The following EFR3A variants were observed in gnomAD, a reference collection of about 807,000 sequenced individuals.
EFR3A encodes the protein EFR3 homolog A, also known as protein EFR3 homolog A.
EFR3A carries 76 observed loss-of-function variants against 104.4 expected under a neutral mutation model. The observed-to-expected ratio is 0.73, with a 90% CI of 0.60 to 0.88. The LOEUF (loss-of-function observed/expected upper bound fraction) is 0.88. Ranked by LOEUF, EFR3A falls within the 40% of genes least tolerant of loss-of-function variation. The pLI is 0.00. For missense variants in EFR3A, 985 were observed against 1,012.5 expected (o/e 0.97, Z 0.37); for synonymous variants, 330 against 330.0 (o/e 1.00, Z 0.00).
At position 131,955,989 on chromosome 8, in the gene EFR3A, T is replaced by C. The variant is rs1439985776; in HGVS notation, c.776+84T>C. 5 of 1,478,660 alleles carry C rather than the reference T, an allele frequency of 3.4e-6. No individual in the cohort carries two copies. In the Admixed American group the frequency reaches 9.8e-5, roughly 29 times the overall value. The allele number at this position is 1,478,660 out of a possible 1,614,324, so 91.6% of individuals were successfully genotyped here. The stretch of plus-strand genomic sequence containing the variant: ...CTTATTTATAGAGGACAACTACTTT[T>C]TTACTTGCATGAGTGAGTTATTAAT... On this transcript the variant is annotated intron_variant, in intron 7 of 22. Coordinates refer to ENST00000254624, the MANE Select transcript of EFR3A (RefSeq NM_015137.6).
At chr8:131,979,482 G>T in intron 14 of EFR3A, 61 bp downstream of exon 14, 1 of 1,230,954 alleles carries the variant, frequency 8.1e-7, no homozygotes, top group Non-Finnish European at 1.2e-6. Flanking sequence ...GAATTGTTAG[G>T]TGGTTTTATA....
At position 132,011,983 on chromosome 8, in the gene EFR3A, G is replaced by T. The variant is rs1242504611; in HGVS notation, c.*1088G>T. The T allele has an allele frequency of 6.6e-6, 1 of 152,100 alleles. No individual in the cohort carries two copies. Among genetic ancestry groups the T allele is most frequent in the African/African-American group, 2.4e-5 (1 of 41,430 alleles). 9.4% of individuals were successfully genotyped at this position (152,100 alleles called of 1,614,324 possible). A position where few individuals can be genotyped will look rare whatever the true frequency, so the allele number is the denominator to read the frequency against. ...TCAATTTAAGCTGCTTTTGATTTCA[G>T]CTACCAAGATCACAGGTGCACTCTA... is the stretch of plus-strand genomic sequence containing the variant. On this transcript the variant is annotated 3_prime_UTR_variant, in exon 23 of 23. Transcript: ENST00000254624.
chr8:131,940,266 CG>C (rs1197412704), intron 1 of EFR3A: 10 of 475,474 alleles, frequency 2.1e-5, no homozygotes, highest in Non-Finnish European at 3.4e-5. Context: ...ATGAATTTGG[CG>C]GGATGTGTAT....
intron 1 of EFR3A, among the ~76,000 whole-genome samples, chr8:131,920,516 T>G (rs1816956464): frequency 6.6e-6 from 1 of 152,140 alleles, no homozygotes; most frequent in Admixed American, 6.5e-5. Context: ...CTAGAAGTGG[T>G]AAGTTTTGTA....
rs368261427 is a variant in EFR3A at position 132,010,789 on chromosome 8, G to C, written c.2361-1G>C. ...GACAATGTATTTTTGTTCTTTTATA[G>C]TCCTCCTCCCAGTCCATCAGGAACA... On this transcript the variant is annotated splice_acceptor_variant, in intron 22 of 22. Coordinates refer to ENST00000254624, the MANE Select transcript of EFR3A (RefSeq NM_015137.6). LOFTEE classifies it high-confidence loss of function. 13 of 1,611,468 alleles carry C rather than the reference G, an allele frequency of 8.1e-6. No individual in the cohort carries two copies. In the African/African-American group the frequency reaches 1.5e-4, roughly 18 times the overall value.
At chr8:131,945,288 T>G (rs1432688193) in intron 3 of EFR3A, among the ~76,000 whole-genome samples, 1 of 151,934 alleles carries the variant, frequency 6.6e-6, no homozygotes, top group East Asian at 1.9e-4. Flanking sequence ...GGAGGAGTAA[T>G]AAGAGAGAAC....
At chr8:131,933,945 A>G (rs1042554052) in intron 1 of EFR3A, among the ~76,000 whole-genome samples, 3 of 152,078 alleles carry the variant, frequency 2.0e-5, no homozygotes, top group Non-Finnish European at 4.4e-5. Context: ...CTTTAATTCT[A>G]TTTATTGCTT....
chr8:131,904,408 G>A, intron 1 of EFR3A, 86 bp downstream of exon 1: 1 of 1,191,470 alleles, frequency 8.4e-7, no homozygotes, highest in Non-Finnish European at 1.1e-6. Flanking sequence ...CGGGCGGCTG[G>A]GGAGGCTGGG....
At chr8:131,963,531 A>T (rs544035061) in intron 8 of EFR3A, among the ~76,000 whole-genome samples, 22 of 152,208 alleles carry the variant, frequency 1.4e-4, no homozygotes, top group Non-Finnish European at 3.2e-4. Flanking sequence ...GAATAAATTG[A>T]ATCTCTGAAT....
intron 1 of EFR3A, among the ~76,000 whole-genome samples, chr8:131,925,471 A>G (rs567092650): frequency 6.6e-6 from 1 of 152,104 alleles, no homozygotes; most frequent in Admixed American, 6.6e-5. Flanking sequence ...TTTCCAATCA[A>G]TAATATGTGA....
intron 1 of EFR3A, among the ~76,000 whole-genome samples, chr8:131,909,684 C>T (rs987583152): frequency 6.6e-6 from 1 of 152,140 alleles, no homozygotes; most frequent in African/African-American, 2.4e-5. Context: ...AGTCTTTACA[C>T]TATTGATGTC....
chr8:131,962,938 T>C (rs1384088106), intron 8 of EFR3A, among the ~76,000 whole-genome samples: 2 of 152,306 alleles, frequency 1.3e-5, no homozygotes, highest in Admixed American at 6.5e-5. Flanking sequence ...CTCAACTACA[T>C]GGAAACTGAG....
intron 4 of EFR3A, among the ~76,000 whole-genome samples, chr8:131,948,493 A>G (rs1261885211): frequency 6.6e-6 from 1 of 152,174 alleles, no homozygotes; most frequent in Non-Finnish European, 1.5e-5. Flanking sequence ...TTCAGCAGGA[A>G]TATATTGGGT....
chr8:131,919,867 T>C (rs1313729489), intron 1 of EFR3A, among the ~76,000 whole-genome samples: 1 of 150,392 alleles, frequency 6.6e-6, no homozygotes. Context: ...TTCTGGATTT[T>C]ATATATATGT....
chr8:131,950,048 C>T lies in EFR3A; in HGVS notation c.446C>T (p.Ala149Val), dbSNP rs529120545. ...RYDFFVSRFS[A>V]MCHSCHSDPE... Reference sequence around the variant, plus strand: ...GACTTTTTTGTGTCTCGATTCAGTGCCATGTGCCATTCCTGTCATAGTGAT... The same window carrying T: ...GACTTTTTTGTGTCTCGATTCAGTGTCATGTGCCATTCCTGTCATAGTGAT... The change falls in exon 5 of 23, where the codon GCC becomes GTC. Residue 149 changes from alanine to valine, a missense_variant. Coordinates refer to ENST00000254624, the MANE Select transcript of EFR3A (RefSeq NM_015137.6). 3 of 1,610,120 alleles carry T rather than the reference C, an allele frequency of 1.9e-6. No individual in the cohort carries two copies. In the South Asian group the frequency reaches 3.3e-5, roughly 18 times the overall value.
intron 10 of EFR3A, among the ~76,000 whole-genome samples, chr8:131,973,634 C>G (rs1416283332): frequency 6.6e-6 from 1 of 151,994 alleles, no homozygotes; most frequent in Non-Finnish European, 1.5e-5. Context: ...TCTCAGTATT[C>G]TGGCAGTTGT....
At chr8:131,996,327 C>A in intron 18 of EFR3A, 79 bp from the exon 19 acceptor site, 1 of 883,244 alleles carries the variant, frequency 1.1e-6, no homozygotes, top group Non-Finnish European at 1.6e-6. Context: ...TTTTTGAAAT[C>A]TGAAATAAGT....
Position 131,988,713 on chromosome 8 carries a change from C to T in EFR3A, c.2065+1011C>T, listed in dbSNP as rs532567011. Among the ~76,000 whole-genome samples, 93 of 152,120 alleles carry T rather than the reference C, an allele frequency of 6.1e-4. No homozygotes were observed. Among genetic ancestry groups the T allele is most frequent in the African/African-American group, 2.2e-3 (92 of 41,520 alleles). ...AGCTCTCTTTCCTTCAAGCAAAAAACCTCTTAAACCCAGGCACAAGCACAA... is the reference window on the plus strand; with the variant it reads ...AGCTCTCTTTCCTTCAAGCAAAAAATCTCTTAAACCCAGGCACAAGCACAA... On this transcript the variant is annotated intron_variant, in intron 18 of 22. Transcript: ENST00000254624.
Position 132,013,346 on chromosome 8 carries a change from A to T in EFR3A, c.*2451A>T, listed in dbSNP as rs956789723. 1 of 152,592 alleles carries T rather than the reference A, an allele frequency of 6.6e-6. No individual in the cohort carries two copies. The highest frequency in any genetic ancestry group is 1.9e-4 in the East Asian group (1 of 5,194). 9.5% of individuals were successfully genotyped at this position (152,592 alleles called of 1,614,324 possible). A position where few individuals can be genotyped will look rare whatever the true frequency, so the allele number is the denominator to read the frequency against. ...TGAATACCTATGCGTACACACACAC[A>T]TATTTCCTTAATACTTCTGAACTCA... On this transcript the variant is annotated 3_prime_UTR_variant, in exon 23 of 23. Coordinates refer to ENST00000254624, the MANE Select transcript of EFR3A (RefSeq NM_015137.6).
Sources: allele counts gnomAD v4.1 joint callset (sites outside exome capture counted in the v4.1 genomes callset), GRCh38; gene constraint gnomAD v4.1.1; transcripts MANE v1.5; gene names NCBI Gene and HGNC (gene_info 2026-07-23, HGNC 2026-07-21).